Variants in TMEM132D observed in about 807,000 individuals in gnomAD.
The protein encoded by TMEM132D is transmembrane protein 132D, also known as mature OL transmembrane protein.
Under a neutral mutation model 62.3 loss-of-function variants are expected in TMEM132D, and 21 were observed. That is an observed-to-expected ratio of 0.34 (90% CI 0.24 to 0.49). The LOEUF (loss-of-function observed/expected upper bound fraction) is 0.49. TMEM132D is among the 20% of genes least tolerant of loss of function. The pLI is 0.99. For missense variants in TMEM132D, 1,346 were observed against 1,402.8 expected (o/e 0.96, Z 0.65); for synonymous variants, 621 against 575.6 (o/e 1.08, Z -1.13).
chr12:129,896,926 C>T (rs1291774372), intron 1 of TMEM132D, among the ~76,000 whole-genome samples: 2 of 152,154 alleles, frequency 1.3e-5, no homozygotes, highest in African/African-American at 2.4e-5. Flanking sequence ...GTACTTCAGT[C>T]GCTTTTCAGA....
At chr12:129,574,293 G>C (rs957383843) in intron 2 of TMEM132D, among the ~76,000 whole-genome samples, 2 of 151,932 alleles carry the variant, frequency 1.3e-5, no homozygotes, top group Admixed American at 1.3e-4. Flanking sequence ...GGGTATATGG[G>C]TGTTAAGTGT....
chr12:129,345,974 C>A (rs1869672599), intron 3 of TMEM132D, among the ~76,000 whole-genome samples: 1 of 151,998 alleles, frequency 6.6e-6, no homozygotes, highest in Non-Finnish European at 1.5e-5. Context: ...GGGAGGAGTC[C>A]CTCTTTTTCT....
chr12:129,766,699 TC>T (rs1369003015), intron 1 of TMEM132D, among the ~76,000 whole-genome samples: 7 of 152,230 alleles, frequency 4.6e-5, no homozygotes, highest in African/African-American at 1.7e-4. Context: ...GTAACCCTTA[TC>T]CTTTATGAGC....
intron 5 of TMEM132D, among the ~76,000 whole-genome samples, chr12:129,209,177 C>T (rs960408850): frequency 2.0e-5 from 3 of 152,142 alleles, no homozygotes; most frequent in African/African-American, 4.8e-5. Context: ...GGCTCCTTCC[C>T]TTCTTCTCCC....
chr12:129,573,548 C>T (rs155689), intron 2 of TMEM132D, among the ~76,000 whole-genome samples: 6,634 of 152,152 alleles, frequency 0.044, 291 homozygotes, highest in East Asian at 0.22. Flanking sequence ...CTCTCTGAAA[C>T]AAATTCTAGA....
At chr12:129,279,766 A>G (rs1881091080) in intron 4 of TMEM132D, among the ~76,000 whole-genome samples, 1 of 152,182 alleles carries the variant, frequency 6.6e-6, no homozygotes, top group South Asian at 2.1e-4. Context: ...ACTTAGAAAA[A>G]TCAAGAACAG....
intron 3 of TMEM132D, among the ~76,000 whole-genome samples, chr12:129,420,923 T>G (rs1872300763): frequency 6.6e-6 from 1 of 151,900 alleles, no homozygotes; most frequent in Non-Finnish European, 1.5e-5. Context: ...TCCCCTCTAC[T>G]TTTATTTATC....
intron 3 of TMEM132D, among the ~76,000 whole-genome samples, chr12:129,520,746 G>A (rs561126124): frequency 3.3e-5 from 5 of 152,316 alleles, no homozygotes; most frequent in African/African-American, 9.6e-5. Context: ...TCTGTGTCTT[G>A]ATATTAAAAA....
intron 3 of TMEM132D, among the ~76,000 whole-genome samples, chr12:129,436,990 A>T (rs1872803862): frequency 6.6e-6 from 1 of 152,202 alleles, no homozygotes; most frequent in Non-Finnish European, 1.5e-5. Flanking sequence ...TGTCTATCAT[A>T]GAGACTGCTC....
chr12:129,225,834 A>T (rs1160214294), intron 4 of TMEM132D, among the ~76,000 whole-genome samples: 1 of 152,190 alleles, frequency 6.6e-6, no homozygotes, highest in Non-Finnish European at 1.5e-5. Flanking sequence ...GCAGTATAGG[A>T]GGCAGGAACC....
chr12:129,177,584 C>G (rs1196269805), intron 5 of TMEM132D, among the ~76,000 whole-genome samples: 1 of 151,918 alleles, frequency 6.6e-6, no homozygotes, highest in Non-Finnish European at 1.5e-5. Flanking sequence ...ATAGTGAGAC[C>G]CCATCTCTAC....
At chr12:129,194,514 C>T (rs535950570) in intron 5 of TMEM132D, among the ~76,000 whole-genome samples, 2 of 152,306 alleles carry the variant, frequency 1.3e-5, no homozygotes, top group Admixed American at 6.5e-5. Flanking sequence ...TGGCACTTGA[C>T]TTAATTCCTG....
In TMEM132D at chr12:129,827,380, C is replaced by T. The variant is rs760732782; in HGVS notation, c.79+75881G>A. ...CACACCCCCAGGCAGAACTCTGGAG[C>T]ACTGGCTAAAAACTGTAAGCAGCTG... is the stretch of plus-strand genomic sequence containing the variant. On this transcript the variant is annotated intron_variant, in intron 1 of 8. Transcript: ENST00000422113. The surrounding 1 kb of genome is among the most constrained non-coding windows in gnomAD (Gnocchi z 9.7). Among the ~76,000 whole-genome samples the T allele has an allele frequency of 6.6e-6, 1 of 152,172 alleles. No individual in the cohort carries two copies. The highest frequency in any genetic ancestry group is 2.4e-5 in the African/African-American group (1 of 41,458).
intron 2 of TMEM132D, among the ~76,000 whole-genome samples, chr12:129,533,537 A>G (rs1269383072): frequency 6.6e-6 from 1 of 152,268 alleles, no homozygotes; most frequent in Non-Finnish European, 1.5e-5. Context: ...AGGAGATATC[A>G]GTACATAGGC....
chr12:129,680,563 G>A (rs1218354328), intron 2 of TMEM132D, among the ~76,000 whole-genome samples: 1 of 152,168 alleles, frequency 6.6e-6, no homozygotes, highest in Admixed American at 6.6e-5. Flanking sequence ...GACAAGCCCA[G>A]TGATTGTCTC....
chr12:129,204,560 C>T (rs1409680257), intron 5 of TMEM132D, among the ~76,000 whole-genome samples: 1 of 152,134 alleles, frequency 6.6e-6, no homozygotes, highest in Non-Finnish European at 1.5e-5. Context: ...TCACTGGTAT[C>T]CCTGAAAGAG....
intron 2 of TMEM132D, chr12:129,698,105 C>T (rs746147392): frequency 5.3e-5 from 8 of 152,290 alleles, no homozygotes; most frequent in Middle Eastern, 3.4e-3. Context: ...AAATATTTCT[C>T]TACGTAAGCA....
chr12:129,480,833 C>T (rs972395496), intron 3 of TMEM132D, among the ~76,000 whole-genome samples: 8 of 152,208 alleles, frequency 5.3e-5, no homozygotes, highest in African/African-American at 1.9e-4. Context: ...CCGCAATCCA[C>T]TTCTGAGATG....
rs562660614 is a variant in TMEM132D, at chr12:129,545,301, G to GAAGC, written c.969-14100_969-14097dup. On this transcript the variant is annotated intron_variant, in intron 2 of 8. Transcript: ENST00000422113. ...TGGGGCCCTGGATTCAACCATTCCT[G>GAAGC]AAGCAAGATCTATGCCTGTCTTTTG... 1.6e-3 allele frequency among the ~76,000 whole-genome samples: 246 copies of GAAGC among 152,282 alleles called. 1 individual carries two copies. The highest frequency in any genetic ancestry group is 5.5e-3 in the African/African-American group (229 of 41,550).
Sources: allele counts gnomAD v4.1 joint callset (sites outside exome capture counted in the v4.1 genomes callset), GRCh38; gene constraint gnomAD v4.1.1; non-coding constraint Gnocchi (gnomAD v3.1); transcripts MANE v1.5; gene names NCBI Gene and HGNC (gene_info 2026-07-23, HGNC 2026-07-21).